Variants in SLC43A2 observed in about 807,000 individuals in gnomAD.
SLC43A2 encodes the protein large neutral amino acids transporter small subunit 4.
In SLC43A2, 38 loss-of-function variants were observed where a neutral mutation model predicts 63.2. The ratio of observed to expected loss-of-function variants is 0.60; its 90% CI spans 0.46 to 0.79. The LOEUF is 0.79. SLC43A2 is among the 30% of genes least tolerant of loss of function. The pLI, the probability that SLC43A2 is intolerant of heterozygous loss-of-function variation, is 0.00. For missense variants in SLC43A2, 644 were observed against 756.2 expected, an observed-to-expected ratio of 0.85 and a Z score of 1.74; for synonymous variants, 322 against 331.0, an observed-to-expected ratio of 0.97 and a Z score of 0.30.
Position 1,593,818 on chromosome 17 carries a change from G to T in SLC43A2, c.502-539C>A, listed in dbSNP as rs1270350973. Reference sequence around the variant, plus strand: ...TCTCTTCGGTCTGAGGATGAAGCTGGCCCAGGATTCCTGCTTCTGAATTTC... The same window carrying T: ...TCTCTTCGGTCTGAGGATGAAGCTGTCCCAGGATTCCTGCTTCTGAATTTC... On this transcript the variant is annotated intron_variant, in intron 5 of 13. Transcript: ENST00000301335. This position sits in a 1 kb window ranked among gnomAD's most constrained non-coding sequence, Gnocchi z 5.3. Among the ~76,000 whole-genome samples, 1 of 152,028 alleles carries T rather than the reference G, an allele frequency of 6.6e-6. No homozygotes were observed. Among genetic ancestry groups the T allele is most frequent in the African/African-American group, 2.4e-5 (1 of 41,394 alleles).
intron 9 of SLC43A2, among the ~76,000 whole-genome samples, chr17:1,587,274 A>G (rs1028217486): frequency 6.6e-6 from 1 of 152,158 alleles, no homozygotes; most frequent in African/African-American, 2.4e-5. Flanking sequence ...GTTGGCGGGT[A>G]GCGTGATGGG....
chr17:1,605,201 C>A lies in SLC43A2; in HGVS notation c.501+7994G>T, dbSNP rs568625960. 2 of 1,135,960 alleles carry A rather than the reference C, an allele frequency of 1.8e-6. No homozygotes were observed. Among genetic ancestry groups the A allele is most frequent in the Non-Finnish European group, 2.2e-6 (2 of 919,422 alleles). 70.4% of individuals were successfully genotyped at this position (1,135,960 alleles called of 1,614,324 possible). ...CCGGGCTGTTCACTCACTGCCTCCA[C>A]GCAGCCTCAGTCACACAGGGAAGCC... On this transcript the variant is annotated intron_variant, in intron 5 of 13. Coordinates refer to ENST00000301335, the MANE Select transcript of SLC43A2 (RefSeq NM_152346.3). The surrounding 1 kb of genome is among the most constrained non-coding windows in gnomAD (Gnocchi z 4.9).
intron 5 of SLC43A2, among the ~76,000 whole-genome samples, chr17:1,599,295 A>G (rs564830404): frequency 3.4e-4 from 51 of 152,028 alleles, no homozygotes; most frequent in Middle Eastern, 3.4e-3. Flanking sequence ...AGCCAAGATC[A>G]TGCCACTGCA....
chr17:1,607,996 G>A (rs573399500), intron 5 of SLC43A2, among the ~76,000 whole-genome samples: 11 of 152,228 alleles, frequency 7.2e-5, no homozygotes, highest in African/African-American at 2.4e-4. Flanking sequence ...GGTTACAGGC[G>A]TGAGCTAGTG....
In SLC43A2 at chr17:1,575,719, G is replaced by C. The variant is rs768210070; in HGVS notation, c.1595C>G (p.Pro532Arg). 1.2e-6 allele frequency: 2 copies of C among 1,613,772 alleles called. No homozygotes were observed. Among genetic ancestry groups the C allele is most frequent in the Non-Finnish European group, 1.7e-6 (2 of 1,179,948 alleles). Reference sequence around the variant, plus strand: ...GCGCCGGTAGCAGATCAGGTAGAGCGGGAGGCAGAAGCCCAGCAGGCTGAG... The same window carrying C: ...GCGCCGGTAGCAGATCAGGTAGAGCCGGAGGCAGAAGCCCAGCAGGCTGAG... ...LLLSLLGFCL[P>R]LYLICYRRQL... Residue 532 changes from proline to arginine, a missense_variant, in exon 14 of 14, where the codon CCG becomes CGG. Coordinates refer to ENST00000301335, the MANE Select transcript of SLC43A2 (RefSeq NM_152346.3).
At position 1,578,361 on chromosome 17, in the gene SLC43A2, A is replaced by G; in HGVS notation, c.1351-38T>C. Reference sequence around the variant, plus strand: ...AAGGCGACTGTGGGCATAAGGCCTTAAGGGACCGTCCCCTCAGCCCCCGCC... The same window carrying G: ...AAGGCGACTGTGGGCATAAGGCCTTGAGGGACCGTCCCCTCAGCCCCCGCC... On this transcript the variant is annotated intron_variant, in intron 11 of 13. Coordinates refer to ENST00000301335, the MANE Select transcript of SLC43A2 (RefSeq NM_152346.3). The surrounding 1 kb of genome is among the most constrained non-coding windows in gnomAD (Gnocchi z 6.5). 1 of 1,600,578 alleles carries G rather than the reference A, an allele frequency of 6.2e-7. No homozygotes were observed.
rs1381173630 is a variant in SLC43A2, at chr17:1,585,926, TCTCCTCGGG to T, written c.1195_1203del (p.Pro399_Glu401del). 4.3e-6 allele frequency: 7 copies of T among 1,613,716 alleles called. No individual in the cohort carries two copies. The highest frequency in any genetic ancestry group is 1.1e-5 in the South Asian group (1 of 91,080). On this transcript the variant is annotated inframe_deletion, in exon 10 of 14. Transcript: ENST00000301335. Reference sequence around the variant, plus strand: ...CTGCCTACGCACTGGTTGGCGTCTTTCTCCTCGGGCTCCTCGGAGGCGTCTTCACACTCC... The same window carrying T: ...CTGCCTACGCACTGGTTGGCGTCTTTCTCCTCGGAGGCGTCTTCACACTCC...
At position 1,575,362 on chromosome 17, in the gene SLC43A2, C is replaced by G. The variant is rs1047880646; in HGVS notation, c.*242G>C. On this transcript the variant is annotated 3_prime_UTR_variant, in exon 14 of 14. Coordinates refer to ENST00000301335, the MANE Select transcript of SLC43A2 (RefSeq NM_152346.3). Reference sequence around the variant, plus strand: ...ACCACAGAGACCCCAGGCCCCGGGTCCCCGGGGGGCGGCAGAGCAAAGTCA... The same window carrying G: ...ACCACAGAGACCCCAGGCCCCGGGTGCCCGGGGGGCGGCAGAGCAAAGTCA... The G allele has an allele frequency of 2.3e-5, 13 of 555,694 alleles. No homozygotes were observed. Among genetic ancestry groups the G allele is most frequent in the Non-Finnish European group, 3.8e-5 (12 of 317,214 alleles). The allele number at this position is 555,694 out of a possible 1,614,324, so 34.4% of individuals were successfully genotyped here. A position where few individuals can be genotyped will look rare whatever the true frequency, so the allele number is the denominator to read the frequency against.
At chr17:1,621,270 G>A (rs542126222) in intron 2 of SLC43A2, among the ~76,000 whole-genome samples, 107 of 152,166 alleles carry the variant, frequency 7.0e-4, no homozygotes, top group Non-Finnish European at 1.5e-3. Context: ...AAAGGGAGGG[G>A]GGCCTCCAAG....
At chr17:1,604,602 G>A in intron 5 of SLC43A2, 1 of 841,560 alleles carries the variant, frequency 1.2e-6, no homozygotes, top group South Asian at 1.6e-5. Flanking sequence ...CAGAACTCCT[G>A]GGCTCAACTC....
intron 9 of SLC43A2, chr17:1,586,920 C>T (rs1305181054): frequency 1.8e-5 from 27 of 1,529,226 alleles, no homozygotes; most frequent in Admixed American, 2.0e-5. Context: ...CACAGCATTC[C>T]CTGACAATCC....
rs1461719162 is a variant in SLC43A2, at chr17:1,572,803, G to A, written c.*2801C>T. ...CCACACCCTGAGGGTGGGTGGGAGA[G>A]TGAGGCAGCACTGCCCACTTTGGCT... On this transcript the variant is annotated 3_prime_UTR_variant, in exon 14 of 14. Transcript: ENST00000301335. The A allele has an allele frequency of 1.3e-5, 2 of 152,474 alleles. No homozygotes were observed. The highest frequency in any genetic ancestry group is 1.9e-4 in the East Asian group (1 of 5,188). 9.4% of individuals were successfully genotyped at this position (152,474 alleles called of 1,614,324 possible).
intron 5 of SLC43A2, among the ~76,000 whole-genome samples, chr17:1,612,512 G>A (rs1907217642): frequency 6.6e-6 from 1 of 152,244 alleles, no homozygotes; most frequent in South Asian, 2.1e-4. Flanking sequence ...ACGGGAGGCG[G>A]GTGGTCAGGC....
chr17:1,604,898 C>T (rs941604199), intron 5 of SLC43A2: 24 of 1,534,306 alleles, frequency 1.6e-5, no homozygotes, highest in East Asian at 7.3e-5. Flanking sequence ...CTGCCTCCAC[C>T]GGTCTCAGCT....
intron 9 of SLC43A2, among the ~76,000 whole-genome samples, chr17:1,588,035 C>A (rs1904378203): frequency 6.6e-6 from 1 of 152,224 alleles, no homozygotes; most frequent in Non-Finnish European, 1.5e-5. Context: ...GAGAGTGAGG[C>A]AGCAGTGCCC....
chr17:1,592,282 CCGGGCATGGTGG>C (rs1407382758), intron 6 of SLC43A2, among the ~76,000 whole-genome samples: 1 of 152,202 alleles, frequency 6.6e-6, no homozygotes, highest in Admixed American at 6.5e-5. Flanking sequence ...CAAAAATTAG[CCGGGCATGGTGG>C]CGGGCACCTG....
Position 1,593,226 on chromosome 17 carries a change from C to A in SLC43A2, c.555G>T (p.Gly185=), listed in dbSNP as rs775170966. The A allele has an allele frequency of 1.2e-6, 2 of 1,613,950 alleles. No individual in the cohort carries two copies. Among genetic ancestry groups the A allele is most frequent in the Non-Finnish European group, 1.7e-6 (2 of 1,180,008 alleles). ...AGGTGACTGCCGAGGAGGCGTAGGA[C>A]CCAATCATCAAGGCAATAAACGTGG... ...LRSTFIALMI[G]SYASSAVTFP... The change falls in exon 6 of 14, where the codon GGG becomes GGT. Residue 185 remains glycine, a synonymous_variant. Transcript: ENST00000301335. This position sits in a 1 kb window ranked among gnomAD's most constrained non-coding sequence, Gnocchi z 5.3.
rs1245836400 is a variant in SLC43A2, at chr17:1,616,545, A to G, written c.368+17T>C. The G allele has an allele frequency of 1.3e-6, 2 of 1,599,884 alleles. No individual in the cohort carries two copies. Among genetic ancestry groups the G allele is most frequent in the East Asian group, 2.3e-5 (1 of 44,152 alleles). On this transcript the variant is annotated intron_variant, in intron 3 of 13. Coordinates refer to ENST00000301335, the MANE Select transcript of SLC43A2 (RefSeq NM_152346.3). ...TCCACCTGCCCACTCCCTGCCCCCT[A>G]AGGGACCCACACTGACCTGCCCAGC...
In SLC43A2 at chr17:1,575,363, CCCG is replaced by C; in HGVS notation, c.*238_*240del. ...CCACAGAGACCCCAGGCCCCGGGTC[CCCG>C]GGGGGCGGCAGAGCAAAGTCAGGGC... On this transcript the variant is annotated 3_prime_UTR_variant, in exon 14 of 14. Transcript: ENST00000301335. The C allele has an allele frequency of 1.8e-6, 1 of 563,554 alleles. No individual in the cohort carries two copies. The highest frequency in any genetic ancestry group is 3.1e-6 in the Non-Finnish European group (1 of 321,870). 34.9% of individuals were successfully genotyped at this position (563,554 alleles called of 1,614,324 possible). A position where few individuals can be genotyped will look rare whatever the true frequency, so the allele number is the denominator to read the frequency against.
Sources: gnomAD v4.1 joint callset for allele counts (sites outside exome capture counted in the v4.1 genomes callset) on GRCh38, gnomAD v4.1.1 for gene constraint, Gnocchi (gnomAD v3.1) non-coding constraint, MANE v1.5 for transcripts, NCBI Gene and HGNC (gene_info 2026-07-23, HGNC 2026-07-21) for gene names.